The following ILKAP variants were observed in gnomAD, a reference collection of about 807,000 sequenced individuals.
The protein encoded by ILKAP is ILK associated serine/threonine phosphatase, also known as integrin-linked kinase-associated serine/threonine phosphatase 2C.
In ILKAP, 11 loss-of-function variants were observed where a neutral mutation model predicts 49.1. The ratio of observed to expected loss-of-function variants is 0.22; its 90% CI spans 0.14 to 0.37. The LOEUF is 0.37. Ranked by LOEUF, ILKAP falls within the 10% of genes least tolerant of loss-of-function variation. The probability of loss-of-function intolerance (pLI) is 1.00; values close to 1 mark genes in which losing one functional copy is unlikely to be tolerated. For synonymous variants in ILKAP, 186 were observed against 192.8 expected, an observed-to-expected ratio of 0.96 and a Z score of 0.29; for missense variants, 363 against 510.8, an observed-to-expected ratio of 0.71 and a Z score of 2.79.
At position 238,173,799 on chromosome 2, in the gene ILKAP, G is replaced by C. The variant is rs13382589; in HGVS notation, c.837-146C>G. 1,420 of 1,010,260 alleles carry C rather than the reference G, an allele frequency of 1.4e-3. 11 individuals are homozygous for C. The African/African-American group carries it at 0.021, about 15-fold the overall frequency. 62.6% of individuals were successfully genotyped at this position (1,010,260 alleles called of 1,614,324 possible). A position where few individuals can be genotyped will look rare whatever the true frequency, so the allele number is the denominator to read the frequency against. ...TTATTAACCACTACTGACATTTCTTGATCTCAAATATGCAGGGGTGTCTAG... is the reference window on the plus strand; with the variant it reads ...TTATTAACCACTACTGACATTTCTTCATCTCAAATATGCAGGGGTGTCTAG... On this transcript the variant is annotated intron_variant, in intron 9 of 11. Coordinates refer to ENST00000254654, the MANE Select transcript of ILKAP (RefSeq NM_030768.3).
intron 7 of ILKAP, 29 bp from the exon 8 acceptor site, chr2:238,183,769 C>T (rs755771401): frequency 2.6e-6 from 4 of 1,534,482 alleles, no homozygotes; most frequent in Admixed American, 3.5e-5. Context: ...GAAACACAGT[C>T]ACCACCAATA....
chr2:238,195,182 T>C (rs1427084823), intron 1 of ILKAP, among the ~76,000 whole-genome samples: 1 of 152,208 alleles, frequency 6.6e-6, no homozygotes, highest in Non-Finnish European at 1.5e-5. Context: ...ATGAAACATT[T>C]AAAAGTCTTT....
At chr2:238,198,980 C>A (rs1370413552) in intron 1 of ILKAP, among the ~76,000 whole-genome samples, 1 of 152,166 alleles carries the variant, frequency 6.6e-6, no homozygotes, top group Non-Finnish European at 1.5e-5. Context: ...GCCACACCCC[C>A]CAACCACAGT....
At chr2:238,187,986 A>T in intron 5 of ILKAP, 145 bp downstream of exon 5, 1 of 1,004,178 alleles carries the variant, frequency 1.0e-6, no homozygotes. Context: ...GGCGGGGAGC[A>T]AAATCAACCC....
Position 238,182,184 on chromosome 2 carries a change from T to C in ILKAP, c.717A>G (p.Ala239=). The C allele has an allele frequency of 6.2e-7, 1 of 1,613,440 alleles. No homozygotes were observed. Among genetic ancestry groups the C allele is most frequent in the Non-Finnish European group, 8.5e-7 (1 of 1,179,512 alleles). ...LYIANLGDSR[A]ILCRYNEESQ... is the part of the protein sequence containing the mutation. ...TCTCCTCATTATAACGACACAAGAT[T>C]GCCTGGGAAGATGGAGATTGTAATA... is the stretch of plus-strand genomic sequence containing the variant. The change falls in exon 9 of 12, where the codon GCA becomes GCG. Residue 239 remains alanine, a splice_region_variant and synonymous_variant. Transcript: ENST00000254654.
At chr2:238,176,039 TTTCAAAG>T (rs1693438390) in intron 9 of ILKAP, among the ~76,000 whole-genome samples, 1 of 151,962 alleles carries the variant, frequency 6.6e-6, no homozygotes, top group South Asian at 2.1e-4. Flanking sequence ...GTTGCCCAGT[TTTCAAAG>T]TTCAAACAAA....
At chr2:238,189,242 G>C (rs533425538) in intron 4 of ILKAP, among the ~76,000 whole-genome samples, 3 of 152,170 alleles carry the variant, frequency 2.0e-5, no homozygotes, top group Admixed American at 1.3e-4. Context: ...ATGAACCCGG[G>C]AGGCGGAGCT....
Position 238,185,117 on chromosome 2 carries a change from T to TCA in ILKAP, c.532+62_532+63dup, listed in dbSNP as rs1229133469. ...AGCCAAAATAACACATCTGACTGCT[T>TCA]CACACAGCCAACCAAACAGCAATAA... On this transcript the variant is annotated intron_variant, in intron 6 of 11. Transcript: ENST00000254654. 18 of 1,012,824 alleles carry TCA rather than the reference T, an allele frequency of 1.8e-5. No homozygotes were observed. In the African/African-American group the frequency reaches 2.9e-4, roughly 16 times the overall value. The allele number at this position is 1,012,824 out of a possible 1,614,324, so 62.7% of individuals were successfully genotyped here.
chr2:238,171,164 T>TC, intron 10 of ILKAP, 140 bp from the exon 11 acceptor site: 1 of 564,354 alleles, frequency 1.8e-6, no homozygotes, highest in South Asian at 2.3e-5. Context: ...TTTTTTCTTT[T>TC]TTTTTTTTTT....
intron 7 of ILKAP, 139 bp downstream of exon 7, chr2:238,183,881 A>C: frequency 6.3e-6 from 6 of 951,450 alleles, no homozygotes; most frequent in Non-Finnish European, 9.7e-6. Context: ...TTTTAGATTT[A>C]GCTAACGGTT....
At chr2:238,203,149 G>A (rs1402116996) in intron 1 of ILKAP, among the ~76,000 whole-genome samples, 2 of 151,140 alleles carry the variant, frequency 1.3e-5, no homozygotes, top group Non-Finnish European at 3.0e-5. Flanking sequence ...GGGGCGCGGG[G>A]GCCCGCGGTG....
chr2:238,182,293 A>G, intron 8 of ILKAP, 107 bp from the exon 9 acceptor site: 2 of 1,347,628 alleles, frequency 1.5e-6, no homozygotes, highest in Non-Finnish European at 2.1e-6. Context: ...AACAGTTAAC[A>G]ATGGAGTTTC....
At chr2:238,175,653 A>G (rs6741245) in intron 9 of ILKAP, among the ~76,000 whole-genome samples, 151,042 of 152,300 alleles carry the variant, frequency 0.99, 74,899 homozygotes, top group Middle Eastern at 1. Context: ...AATCCATGCC[A>G]CCTCTGTTCT....
intron 1 of ILKAP, 61 bp downstream of exon 1, chr2:238,203,438 A>AG (rs1272093778): frequency 2.0e-5 from 19 of 940,870 alleles, no homozygotes; most frequent in Non-Finnish European, 2.4e-5. Flanking sequence ...CCCGGGCCTC[A>AG]GGCCGCCCCC....
chr2:238,186,123 T>C (rs926190650), intron 5 of ILKAP: 1 of 152,236 alleles, frequency 6.6e-6, no homozygotes, highest in African/African-American at 2.4e-5. Context: ...AATGCATTGT[T>C]AGGTGACTTT....
intron 3 of ILKAP, among the ~76,000 whole-genome samples, chr2:238,192,009 G>A (rs1292461994): frequency 2.6e-5 from 4 of 151,132 alleles, no homozygotes; most frequent in Non-Finnish European, 5.9e-5. Flanking sequence ...TCAAGAGATT[G>A]AGACCATCCT....
At chr2:238,193,118 ATTT>A (rs1188143584) in intron 3 of ILKAP, among the ~76,000 whole-genome samples, 1 of 152,238 alleles carries the variant, frequency 6.6e-6, no homozygotes, top group African/African-American at 2.4e-5. Flanking sequence ...AATCTTCTAA[ATTT>A]TTTACTACTT....
intron 1 of ILKAP, among the ~76,000 whole-genome samples, chr2:238,202,713 G>T (rs1462308052): frequency 6.6e-6 from 1 of 152,072 alleles, no homozygotes; most frequent in East Asian, 1.9e-4. Context: ...TTTGACAGAT[G>T]AAACCCGGAG....
At chr2:238,195,260 T>C (rs890632776) in intron 1 of ILKAP, among the ~76,000 whole-genome samples, 4 of 152,198 alleles carry the variant, frequency 2.6e-5, no homozygotes, top group African/African-American at 9.7e-5. Flanking sequence ...TGAGACTTCC[T>C]GATAGACGTT....
Sources: allele counts gnomAD v4.1 joint callset (sites outside exome capture counted in the v4.1 genomes callset), GRCh38; gene constraint gnomAD v4.1.1; transcripts MANE v1.5; gene names NCBI Gene and HGNC (gene_info 2026-07-23, HGNC 2026-07-21).